The following DNAL1 variants were observed in gnomAD, a reference collection of about 807,000 sequenced individuals.
DNAL1 encodes chromosome 14 open reading frame 168.
In DNAL1, 17 loss-of-function variants were observed where a neutral mutation model predicts 29.4. That is an observed-to-expected ratio of 0.58 (90% CI 0.40 to 0.87). The LOEUF is 0.87. Among genes scored for constraint, DNAL1 ranks in the 40% least tolerant of loss-of-function variants. DNAL1 has a pLI of 0.00. For missense variants in DNAL1, 188 were observed against 214.1 expected (o/e 0.88, Z 0.76); for synonymous variants, 78 against 76.3 (o/e 1.02, Z -0.12).
chr14:73,660,389 G>A lies in DNAL1; in HGVS notation c.152+1433G>A, dbSNP rs377745155. Among the ~76,000 whole-genome samples the A allele has an allele frequency of 7.9e-5, 12 of 152,254 alleles. No individual in the cohort carries two copies. In the South Asian group the frequency reaches 1.7e-3, roughly 21 times the overall value. Reference sequence around the variant, plus strand: ...GAAACCATGTTTTTAGGCTACAAGTGTGTCTCATCAGGGCTATAGTATACC... The same window carrying A: ...GAAACCATGTTTTTAGGCTACAAGTATGTCTCATCAGGGCTATAGTATACC... On this transcript the variant is annotated intron_variant, in intron 3 of 7. Coordinates refer to ENST00000553645, the MANE Select transcript of DNAL1 (RefSeq NM_031427.4).
chr14:73,651,695 T>C (rs1891116849), intron 1 of DNAL1, among the ~76,000 whole-genome samples: 1 of 152,228 alleles, frequency 6.6e-6, no homozygotes. Context: ...CTTGCTCTGC[T>C]GCCCGGGCTG....
chr14:73,647,056 C>T (rs550554591), intron 1 of DNAL1, among the ~76,000 whole-genome samples: 2 of 152,078 alleles, frequency 1.3e-5, no homozygotes, highest in African/African-American at 4.8e-5. Flanking sequence ...TTTCCAATTT[C>T]TCTTGAAAAA....
intron 7 of DNAL1, among the ~76,000 whole-genome samples, chr14:73,695,048 CTTTTTTTTTTTTT>C (rs71112798): frequency 1.6e-5 from 1 of 60,872 alleles, no homozygotes; most frequent in East Asian, 4.3e-4. Context: ...TACTTGTTGG[CTTTTTTTTTTTTT>C]TTTTTTTTTT....
At chr14:73,678,987 C>T (rs1891810693) in intron 5 of DNAL1, among the ~76,000 whole-genome samples, 1 of 151,992 alleles carries the variant, frequency 6.6e-6, no homozygotes, top group Admixed American at 6.6e-5. Context: ...AAAGACTTTT[C>T]TATTTTTATT....
rs945098984 is a variant in DNAL1, at chr14:73,699,168, A to C, written c.*3226A>C. The C allele has an allele frequency of 1.3e-5, 2 of 152,170 alleles. No individual in the cohort carries two copies. The highest frequency in any genetic ancestry group is 2.9e-5 in the Non-Finnish European group (2 of 68,038). The allele number at this position is 152,170 out of a possible 1,614,324, so 9.4% of individuals were successfully genotyped here. ...AAATTCTCCCTTAGTTGTACTTTTTATACCAACATCACTTGTGTCCAGGGT... is the reference window on the plus strand; with the variant it reads ...AAATTCTCCCTTAGTTGTACTTTTTCTACCAACATCACTTGTGTCCAGGGT... On this transcript the variant is annotated 3_prime_UTR_variant, in exon 8 of 8. Transcript: ENST00000553645.
At chr14:73,681,585 T>C (rs540071059) in intron 5 of DNAL1, among the ~76,000 whole-genome samples, 1 of 112,238 alleles carries the variant, frequency 8.9e-6, no homozygotes, top group East Asian at 3.0e-4. Context: ...ATGGACAACA[T>C]AGCGAGACCC....
intron 5 of DNAL1, among the ~76,000 whole-genome samples, chr14:73,675,488 T>G (rs1329767397): frequency 6.6e-6 from 1 of 151,732 alleles, no homozygotes; most frequent in Admixed American, 6.6e-5. Flanking sequence ...ATTTTTTTTT[T>G]GTAGTGATGG....
At chr14:73,667,935 G>A (rs773965055) in intron 4 of DNAL1, among the ~76,000 whole-genome samples, 8 of 151,862 alleles carry the variant, frequency 5.3e-5, no homozygotes, top group South Asian at 2.1e-4. Flanking sequence ...CATATTATAC[G>A]TATGGACTTA....
intron 5 of DNAL1, among the ~76,000 whole-genome samples, 165 bp downstream of exon 5, chr14:73,671,762 C>T (rs1462456405): frequency 6.6e-6 from 1 of 152,180 alleles, no homozygotes; most frequent in Non-Finnish European, 1.5e-5. Context: ...TTTGCAACAA[C>T]CTGTACTCCC....
At chr14:73,680,358 T>C (rs545081779) in intron 5 of DNAL1, among the ~76,000 whole-genome samples, 6 of 152,162 alleles carry the variant, frequency 3.9e-5, no homozygotes, top group Non-Finnish European at 8.8e-5. Flanking sequence ...AAATATTACA[T>C]TTGTGAATTG....
In DNAL1 at chr14:73,669,496, C is replaced by T. The variant is rs193013394; in HGVS notation, c.209-2046C>T. Among the ~76,000 whole-genome samples the T allele has an allele frequency of 4.8e-3, 728 of 152,046 alleles. 11 individuals are homozygous for T. Among genetic ancestry groups the T allele is most frequent in the African/African-American group, 0.016 (680 of 41,478 alleles). The stretch of plus-strand genomic sequence containing the variant: ...TTCACCATGTTGGCCAGGATGGTCT[C>T]GATCTTCTGACCTCGTGATCCACCC... On this transcript the variant is annotated intron_variant, in intron 4 of 7. Transcript: ENST00000553645.
chr14:73,674,103 A>G (rs981212876), intron 5 of DNAL1, among the ~76,000 whole-genome samples: 1 of 152,126 alleles, frequency 6.6e-6, no homozygotes, highest in African/African-American at 2.4e-5. Flanking sequence ...CAGGAAAACT[A>G]TTGAGGTACA....
chr14:73,689,164 G>A (rs879667245), intron 6 of DNAL1, among the ~76,000 whole-genome samples: 14 of 151,162 alleles, frequency 9.3e-5, no homozygotes, highest in Admixed American at 6.6e-4. Flanking sequence ...CTCCTGAGTA[G>A]CTGGGACTAC....
intron 5 of DNAL1, among the ~76,000 whole-genome samples, chr14:73,682,006 G>A (rs1484936466): frequency 6.6e-6 from 1 of 151,486 alleles, no homozygotes; most frequent in African/African-American, 2.4e-5. Context: ...CAGTTACTTG[G>A]AAGGCTGAGG....
At chr14:73,668,577 G>T (rs1891542134) in intron 4 of DNAL1, among the ~76,000 whole-genome samples, 1 of 152,102 alleles carries the variant, frequency 6.6e-6, no homozygotes, top group Non-Finnish European at 1.5e-5. Context: ...TTTTCTCACA[G>T]TTCTGGAGGG....
At chr14:73,688,827 CT>C (rs2140059832) in intron 6 of DNAL1, among the ~76,000 whole-genome samples, 1 of 152,200 alleles carries the variant, frequency 6.6e-6, no homozygotes, top group African/African-American at 2.4e-5. Context: ...TTATTTCATC[CT>C]TATGCTAGCA....
chr14:73,688,256 C>A (rs771023049), intron 6 of DNAL1, among the ~76,000 whole-genome samples: 1 of 152,134 alleles, frequency 6.6e-6, no homozygotes, highest in Non-Finnish European at 1.5e-5. Flanking sequence ...ATTATCCCTG[C>A]CCTCAAGAAG....
rs1566887443 is a variant in DNAL1, at chr14:73,677,883, TTTGTGTGTGTG to T, written c.264+6288_264+6298del. ...ATATATTTATATATATATATATATATTTGTGTGTGTGTGTGTGTGTGTGTGTGTGTGTGATG... is the reference window on the plus strand; with the variant it reads ...ATATATTTATATATATATATATATATTGTGTGTGTGTGTGTGTGTGTGATG... On this transcript the variant is annotated intron_variant, in intron 5 of 7. Transcript: ENST00000553645. Among the ~76,000 whole-genome samples the T allele has an allele frequency of 8.0e-3, 1,001 of 125,296 alleles. 18 individuals are homozygous for T. Among genetic ancestry groups the T allele is most frequent in the African/African-American group, 0.031 (951 of 30,910 alleles). The allele number at this position is 125,296 out of a possible 152,430, so 82.2% of individuals were successfully genotyped here.
At chr14:73,687,010 A>AT (rs372358652) in intron 5 of DNAL1, among the ~76,000 whole-genome samples, 40,346 of 141,374 alleles carry the variant, frequency 0.29, 6,005 homozygotes, top group Non-Finnish European at 0.34. Flanking sequence ...ATGTTTTGTG[A>AT]TTTTTTTTTT....
Sources: gnomAD v4.1 joint callset for allele counts (sites outside exome capture counted in the v4.1 genomes callset) on GRCh38, gnomAD v4.1.1 for gene constraint, MANE v1.5 for transcripts, NCBI Gene and HGNC (gene_info 2026-07-23, HGNC 2026-07-21) for gene names.